Variants in STXBP5L observed in about 807,000 individuals in gnomAD.
STXBP5L encodes the protein syntaxin binding protein 5L, also known as syntaxin-binding protein 5-like.
In STXBP5L, 65 loss-of-function variants were observed where a neutral mutation model predicts 144.5. The observed-to-expected ratio is 0.45, with a 90% CI of 0.37 to 0.55. STXBP5L has a LOEUF of 0.55. STXBP5L is among the 20% of genes least tolerant of loss of function. STXBP5L has a pLI of 0.00. For synonymous variants in STXBP5L, 505 were observed against 469.6 expected (o/e 1.08, Z -0.97); for missense variants, 1,298 against 1,405.5 (o/e 0.92, Z 1.22).
chr3:121,225,302 C>T (rs1466583566), intron 11 of STXBP5L, among the ~76,000 whole-genome samples: 1 of 151,946 alleles, frequency 6.6e-6, no homozygotes. Flanking sequence ...GATTGTGCCC[C>T]AGGACTCTCG....
At chr3:121,008,931 ATT>A (rs35274717) in intron 3 of STXBP5L, among the ~76,000 whole-genome samples, 22 of 149,360 alleles carry the variant, frequency 1.5e-4, no homozygotes, top group African/African-American at 3.2e-4. Flanking sequence ...AATATAATCA[ATT>A]TTTTTTTTTT....
At chr3:121,128,223 G>T (rs893140094) in intron 7 of STXBP5L, among the ~76,000 whole-genome samples, 4 of 151,886 alleles carry the variant, frequency 2.6e-5, no homozygotes, top group Non-Finnish European at 5.9e-5. Flanking sequence ...TCGGTGCTTT[G>T]GCAGGGACAC....
intron 2 of STXBP5L, among the ~76,000 whole-genome samples, chr3:120,922,696 C>CT (rs1288931547): frequency 6.6e-6 from 1 of 151,750 alleles, no homozygotes; most frequent in Non-Finnish European, 1.5e-5. Context: ...TTATCAAATT[C>CT]TTTTTCTGCA....
intron 3 of STXBP5L, among the ~76,000 whole-genome samples, chr3:120,980,883 G>C (rs919443138): frequency 6.6e-6 from 1 of 152,056 alleles, no homozygotes; most frequent in Non-Finnish European, 1.5e-5. Context: ...AAAATTTCTT[G>C]TATAGCTGGT....
intron 8 of STXBP5L, among the ~76,000 whole-genome samples, chr3:121,154,049 G>T (rs183750190): frequency 6.6e-6 from 1 of 151,770 alleles, no homozygotes; most frequent in Admixed American, 6.6e-5. Context: ...GAATCATCTA[G>T]CTTTCCTATG....
chr3:121,005,568 C>T (rs903008738), intron 3 of STXBP5L, among the ~76,000 whole-genome samples: 5 of 151,988 alleles, frequency 3.3e-5, no homozygotes, highest in Non-Finnish European at 5.9e-5. Context: ...CTGCTCTGAT[C>T]TTAGTTATTT....
intron 20 of STXBP5L, among the ~76,000 whole-genome samples, chr3:121,353,325 G>A (rs539418140): frequency 7.9e-5 from 12 of 152,104 alleles, no homozygotes; most frequent in Admixed American, 5.2e-4. Context: ...ACTTTTTTTC[G>A]TTGGTAGGCT....
intron 5 of STXBP5L, among the ~76,000 whole-genome samples, chr3:121,056,224 A>G (rs981982002): frequency 6.6e-6 from 1 of 152,180 alleles, no homozygotes; most frequent in Non-Finnish European, 1.5e-5. Flanking sequence ...CTGAGTAATG[A>G]ATAAAATAAA....
intron 3 of STXBP5L, among the ~76,000 whole-genome samples, chr3:120,978,077 T>C (rs993608980): frequency 2.6e-5 from 4 of 152,198 alleles, no homozygotes; most frequent in African/African-American, 9.7e-5. Flanking sequence ...ATTTCCTGAA[T>C]GTGAATGTTG....
chr3:120,973,587 C>G (rs1291385395), intron 3 of STXBP5L, among the ~76,000 whole-genome samples: 1 of 151,966 alleles, frequency 6.6e-6, no homozygotes, highest in Non-Finnish European at 1.5e-5. Context: ...TACATGTGCA[C>G]AATGTGCAGG....
intron 3 of STXBP5L, among the ~76,000 whole-genome samples, chr3:120,964,169 CTTT>C (rs1171840078): frequency 3.9e-5 from 6 of 151,932 alleles, no homozygotes; most frequent in Admixed American, 2.0e-4. Context: ...CTCTTTTCTT[CTTT>C]ATTAGTCTTG....
intron 9 of STXBP5L, among the ~76,000 whole-genome samples, chr3:121,194,773 A>C (rs139050112): frequency 1.1e-3 from 170 of 152,140 alleles, no homozygotes; most frequent in Admixed American, 1.9e-3. Context: ...ATATCTTCTA[A>C]AGTCAGTTTT....
intron 2 of STXBP5L, among the ~76,000 whole-genome samples, chr3:120,947,274 G>C (rs557382225): frequency 6.6e-6 from 1 of 151,888 alleles, no homozygotes; most frequent in South Asian, 2.1e-4. Context: ...TAACATAGTT[G>C]TCTTCAAACT....
chr3:121,355,900 A>T (rs1323895210), intron 20 of STXBP5L, among the ~76,000 whole-genome samples: 1 of 151,636 alleles, frequency 6.6e-6, no homozygotes, highest in Non-Finnish European at 1.5e-5. Context: ...GTTGATGTTG[A>T]TGCTATTCCT....
intron 14 of STXBP5L, among the ~76,000 whole-genome samples, chr3:121,244,453 GAGAGAGAGAGAGAC>G (rs1345494422): frequency 8.0e-5 from 12 of 150,786 alleles, no homozygotes; most frequent in African/African-American, 2.4e-4. Context: ...GGGGCGGGGA[GAGAGAGAGAGAGAC>G]AGAGAGAGAG....
chr3:121,284,634 T>C (rs926746103), intron 19 of STXBP5L, among the ~76,000 whole-genome samples: 6 of 152,134 alleles, frequency 3.9e-5, no homozygotes, highest in Admixed American at 1.3e-4. Context: ...GGATAGAGCA[T>C]GGCAGCAGAC....
intron 7 of STXBP5L, among the ~76,000 whole-genome samples, chr3:121,125,234 C>T (rs374563442): frequency 5.3e-5 from 8 of 151,938 alleles, no homozygotes; most frequent in South Asian, 2.1e-4. Flanking sequence ...TTTGGGAGGA[C>T]GAGGTGGGTG....
chr3:121,203,114 A>G (rs1203430701), intron 9 of STXBP5L, among the ~76,000 whole-genome samples: 1 of 150,162 alleles, frequency 6.7e-6, no homozygotes, highest in Non-Finnish European at 1.5e-5. Flanking sequence ...GTGTTCTTCC[A>G]GCATCAGTCT....
intron 3 of STXBP5L, among the ~76,000 whole-genome samples, chr3:121,001,993 A>G (rs987168992): frequency 2.0e-5 from 3 of 152,270 alleles, no homozygotes; most frequent in East Asian, 1.9e-4. Context: ...TATTATGGCT[A>G]TAATGAATAA....
Sources: allele counts gnomAD v4.1 joint callset (sites outside exome capture counted in the v4.1 genomes callset), GRCh38; gene constraint gnomAD v4.1.1; transcripts MANE v1.5; gene names NCBI Gene and HGNC (gene_info 2026-07-23, HGNC 2026-07-21).